Variants in CRADD observed in about 807,000 individuals in gnomAD.
CRADD encodes death domain-containing protein CRADD.
CRADD carries 9 observed loss-of-function variants against 15.5 expected under a neutral mutation model. The observed-to-expected ratio is 0.58, with a 90% CI of 0.35 to 1.01. CRADD has a LOEUF of 1.01. Ranked by LOEUF, CRADD falls within the 50% of genes least tolerant of loss-of-function variation. The probability of loss-of-function intolerance (pLI) is 0.02; values close to 1 mark genes in which losing one functional copy is unlikely to be tolerated. For missense variants in CRADD, 227 were observed against 250.3 expected (o/e 0.91, Z 0.63); for synonymous variants, 118 against 107.6 (o/e 1.10, Z -0.60).
chr12:93,741,166 G>A (rs1956660621), intron 2 of CRADD, among the ~76,000 whole-genome samples: 1 of 152,202 alleles, frequency 6.6e-6, no homozygotes, highest in South Asian at 2.1e-4. Flanking sequence ...AACTCCCGGA[G>A]TTGTGTACTT....
At chr12:93,729,357 G>C (rs956797049) in intron 2 of CRADD, among the ~76,000 whole-genome samples, 2 of 152,160 alleles carry the variant, frequency 1.3e-5, no homozygotes, top group Non-Finnish European at 2.9e-5. Flanking sequence ...TATTGTTTAT[G>C]TTTAAAGATT....
downstream of CRADD, among the ~76,000 whole-genome samples, chr12:93,854,964 C>T (rs1043795241): frequency 5.9e-5 from 9 of 152,076 alleles, no homozygotes; most frequent in African/African-American, 9.7e-5. Context: ...GAGGCTGAGG[C>T]GGGCGGATCA....
intron 2 of CRADD, among the ~76,000 whole-genome samples, chr12:93,787,255 G>C (rs1957288734): frequency 6.8e-6 from 1 of 147,044 alleles, no homozygotes; most frequent in Admixed American, 6.9e-5. Flanking sequence ...AAACTGGCTA[G>C]AGTAATTTTT....
Position 93,776,212 on chromosome 12 carries a change from C to T in CRADD, c.299-73758C>T, listed in dbSNP as rs529777162. Among the ~76,000 whole-genome samples, 6 of 152,206 alleles carry T rather than the reference C, an allele frequency of 3.9e-5. No homozygotes were observed. The East Asian group carries it at 1.2e-3, about 29-fold the overall frequency. The stretch of plus-strand genomic sequence containing the variant: ...ATCAACAGAATAGTGGTCCACTGTA[C>T]TGCTTTTCTGTGATTCTTATCGAAC... On this transcript the variant is annotated intron_variant, in intron 2 of 2. Transcript: ENST00000332896.
At chr12:93,787,311 T>G (rs1015973723) in intron 2 of CRADD, among the ~76,000 whole-genome samples, 13 of 149,416 alleles carry the variant, frequency 8.7e-5, no homozygotes, top group East Asian at 3.9e-4. Flanking sequence ...CAGGGTTTTT[T>G]TTTTTTTTTT....
chr12:93,836,076 A>G (rs967011984), intron 2 of CRADD: 1 of 152,226 alleles, frequency 6.6e-6, no homozygotes, highest in Non-Finnish European at 1.5e-5. Flanking sequence ...TCCTGAGAAC[A>G]TGCAGAATGT....
intron 2 of CRADD, among the ~76,000 whole-genome samples, chr12:93,747,079 G>A (rs905367677): frequency 6.6e-6 from 1 of 152,038 alleles, no homozygotes; most frequent in Non-Finnish European, 1.5e-5. Flanking sequence ...TTTCAGATTA[G>A]TGGATCTTTA....
chr12:93,699,738 GCC>G (rs1217396497), intron 2 of CRADD, among the ~76,000 whole-genome samples: 6 of 152,164 alleles, frequency 3.9e-5, no homozygotes, highest in African/African-American at 1.4e-4. Context: ...TAGAAGTGTA[GCC>G]TGTATTAGGT....
At chr12:93,689,609 G>A (rs1264845099) in intron 2 of CRADD, among the ~76,000 whole-genome samples, 2 of 152,192 alleles carry the variant, frequency 1.3e-5, no homozygotes, top group African/African-American at 4.8e-5. Context: ...GAAGTGCCAA[G>A]TTGACAATTC....
chr12:93,678,444 A>T (rs1955206766), intron 1 of CRADD, among the ~76,000 whole-genome samples: 1 of 152,212 alleles, frequency 6.6e-6, no homozygotes, highest in South Asian at 2.1e-4. Flanking sequence ...TCTTCAGATA[A>T]AAATTGCTTG....
At chr12:93,788,301 C>T (rs567198477) in intron 2 of CRADD, among the ~76,000 whole-genome samples, 12 of 152,280 alleles carry the variant, frequency 7.9e-5, no homozygotes, top group Admixed American at 3.3e-4. Context: ...CATCAGATCT[C>T]GTGAGAACTC....
intron 2 of CRADD, among the ~76,000 whole-genome samples, chr12:93,882,888 C>G (rs951206550): frequency 3.3e-5 from 5 of 152,148 alleles, no homozygotes; most frequent in Admixed American, 2.0e-4. Flanking sequence ...TTTCCATTCT[C>G]TTCCTTTCCT....
rs990240085 is a variant in CRADD, at chr12:93,725,933, G to T, written c.298+46861G>T. Among the ~76,000 whole-genome samples the T allele has an allele frequency of 2.6e-5, 4 of 152,092 alleles. No homozygotes were observed. In the South Asian group the frequency reaches 6.2e-4, roughly 24 times the overall value. On this transcript the variant is annotated intron_variant, in intron 2 of 2. Transcript: ENST00000332896. ...GCTCAGACACATGAACTTTTCCAAG[G>T]TCTCAAAGCTAGTACATCGTGGGGC...
intron 2 of CRADD, among the ~76,000 whole-genome samples, chr12:93,816,312 G>A (rs1957696425): frequency 6.6e-6 from 1 of 151,740 alleles, no homozygotes; most frequent in African/African-American, 2.4e-5. Context: ...CGCCTCTGTG[G>A]TTCAAGCAAT....
At chr12:93,846,597 C>T (rs904545704) in intron 2 of CRADD, 1 of 147,112 alleles carries the variant, frequency 6.8e-6, no homozygotes, top group African/African-American at 2.5e-5. Flanking sequence ...CACACACACA[C>T]ACACACACAC....
intron 2 of CRADD, among the ~76,000 whole-genome samples, chr12:93,886,103 TTATATC>T (rs562074863): frequency 1.7e-3 from 258 of 151,752 alleles, no homozygotes; most frequent in African/African-American, 6.1e-3. Flanking sequence ...GAATCAGTCT[TTATATC>T]TATAAGATAT....
chr12:93,848,161 T>A (rs1958155296), intron 2 of CRADD, among the ~76,000 whole-genome samples: 3 of 151,952 alleles, frequency 2.0e-5, no homozygotes, highest in African/African-American at 4.9e-5. Context: ...ATTTTTTTTT[T>A]AATGAGCCTA....
chr12:93,698,954 G>A lies in CRADD; in HGVS notation c.298+19882G>A, dbSNP rs185385460. 4.1e-3 allele frequency among the ~76,000 whole-genome samples: 629 copies of A among 152,138 alleles called. 4 individuals carry two copies. The highest frequency in any genetic ancestry group is 0.014 in the African/African-American group (595 of 41,494). On this transcript the variant is annotated intron_variant, in intron 2 of 2. Transcript: ENST00000332896. ...AGGTAGCTGCAACAGAGACCTTATG[G>A]TCCACAAAACCTAAAATGTTTACTA... is the stretch of plus-strand genomic sequence containing the variant.
intron 2 of CRADD, among the ~76,000 whole-genome samples, chr12:93,847,697 G>A (rs1358892857): frequency 1.3e-5 from 2 of 152,012 alleles, no homozygotes; most frequent in African/African-American, 4.8e-5. Context: ...ATGGATGATT[G>A]TTAAAGAAAT....
Sources: allele counts gnomAD v4.1 joint callset (sites outside exome capture counted in the v4.1 genomes callset), GRCh38; gene constraint gnomAD v4.1.1; transcripts MANE v1.5; gene names NCBI Gene and HGNC (gene_info 2026-07-23, HGNC 2026-07-21).